The following CNBD1 variants were observed in gnomAD, a reference collection of about 807,000 sequenced individuals.
CNBD1 encodes the protein cyclic nucleotide-binding domain-containing protein 1.
In CNBD1, 71 loss-of-function variants were observed where a neutral mutation model predicts 54.4. The ratio of observed to expected loss-of-function variants is 1.30; its 90% CI spans 1.08 to 1.59. The LOEUF (loss-of-function observed/expected upper bound fraction) is 1.59, where lower values mean the gene tolerates loss of function less well. Ranked by LOEUF, CNBD1 falls within the 40% of genes most tolerant of loss-of-function variation. The probability of loss-of-function intolerance (pLI) is 0.00; values close to 1 mark genes in which losing one functional copy is unlikely to be tolerated. For synonymous variants in CNBD1, 182 were observed against 170.7 expected (o/e 1.07, Z -0.51); for missense variants, 659 against 518.0 (o/e 1.27, Z -2.64).
chr8:86,926,083 T>G (rs2131829539), intron 3 of CNBD1, among the ~76,000 whole-genome samples: 1 of 152,262 alleles, frequency 6.6e-6, no homozygotes, highest in South Asian at 2.1e-4. Context: ...GATTGGCTAC[T>G]TTTAGAATCC....
chr8:87,283,665 G>A (rs1808638753), intron 6 of CNBD1, among the ~76,000 whole-genome samples: 2 of 152,044 alleles, frequency 1.3e-5, no homozygotes, highest in African/African-American at 4.8e-5. Context: ...CTTCTATGTG[G>A]CTTTCGTAAA....
intron 2 of CNBD1, among the ~76,000 whole-genome samples, chr8:87,388,362 C>T (rs1038316694): frequency 2.0e-5 from 2 of 101,956 alleles, no homozygotes; most frequent in African/African-American, 5.8e-5. Context: ...GCTAGAAAGA[C>T]TAATGAAGAA....
chr8:87,118,410 TAGG>T lies in CNBD1; in HGVS notation c.432-87579_432-87577del, dbSNP rs1316282824. On this transcript the variant is annotated intron_variant, in intron 4 of 10. Coordinates refer to ENST00000518476, the MANE Select transcript of CNBD1 (RefSeq NM_173538.3). ...GAGGTGCATGGTTCATGTATGTAAATAGGAGGGTCAGGGTGAATTTCACTGAGA... is the reference window on the plus strand; with the variant it reads ...GAGGTGCATGGTTCATGTATGTAAATAGGGTCAGGGTGAATTTCACTGAGA... 2.0e-5 allele frequency among the ~76,000 whole-genome samples: 3 copies of T among 150,102 alleles called. No homozygotes were observed. In the East Asian group the frequency reaches 5.9e-4, roughly 30 times the overall value.
chr8:86,954,771 A>G lies in CNBD1; in HGVS notation c.431+15017A>G, dbSNP rs77256325. Among the ~76,000 whole-genome samples the G allele has an allele frequency of 7.2e-3, 1,095 of 152,346 alleles. 20 individuals are homozygous for G. The highest frequency in any genetic ancestry group is 0.039 in the East Asian group (201 of 5,186). ...AGGTCTGACTATTTTCAGCATAGCT[A>G]GGAGCATGGCATATGTCCCCAGGCC... On this transcript the variant is annotated intron_variant, in intron 4 of 10. Transcript: ENST00000518476.
chr8:87,369,819 G>A (rs1349285722), intron 10 of CNBD1, among the ~76,000 whole-genome samples: 1 of 151,810 alleles, frequency 6.6e-6, no homozygotes, highest in African/African-American at 2.4e-5. Flanking sequence ...CTGGTGTGCT[G>A]CACCCATTAA....
chr8:87,424,576 T>C (rs959946197), intron 2 of CNBD1, among the ~76,000 whole-genome samples: 3 of 152,192 alleles, frequency 2.0e-5, no homozygotes, highest in African/African-American at 7.2e-5. Context: ...TTCCATGTAG[T>C]TGCGCGTTTT....
In CNBD1 at chr8:87,182,324, C is replaced by A. The variant is rs1813371379; in HGVS notation, c.432-23669C>A. Among the ~76,000 whole-genome samples the A allele has an allele frequency of 6.6e-6, 1 of 151,748 alleles. No homozygotes were observed. ...ATGGGTATTTAGGTTGATTCCATGT[C>A]TTTGCTACTGTAAACAGCACTGTGA... On this transcript the variant is annotated intron_variant, in intron 4 of 10. Coordinates refer to ENST00000518476, the MANE Select transcript of CNBD1 (RefSeq NM_173538.3). The surrounding 1 kb of genome is among the most constrained non-coding windows in gnomAD (Gnocchi z 4.1).
chr8:87,000,701 A>G (rs1382553310), intron 4 of CNBD1, among the ~76,000 whole-genome samples: 2 of 152,206 alleles, frequency 1.3e-5, no homozygotes, highest in African/African-American at 2.4e-5. Flanking sequence ...GCTAGATCTA[A>G]GTTAATTATT....
At chr8:87,109,540 C>CTTTTTTTTTTTTTT (rs35541466) in intron 4 of CNBD1, among the ~76,000 whole-genome samples, 1 of 107,968 alleles carries the variant, frequency 9.3e-6, no homozygotes, top group Non-Finnish European at 2.1e-5. Context: ...TTCTTTCTTT[C>CTTTTTTTTTTTTTT]TTTTTTTTTT....
At chr8:87,232,548 C>T (rs1807466283) in intron 5 of CNBD1, among the ~76,000 whole-genome samples, 1 of 152,034 alleles carries the variant, frequency 6.6e-6, no homozygotes, top group Non-Finnish European at 1.5e-5. Context: ...CTTATTTTTT[C>T]TTGTGCCTTT....
intron 4 of CNBD1, among the ~76,000 whole-genome samples, chr8:86,990,499 G>T (rs1330029251): frequency 6.6e-6 from 1 of 152,162 alleles, no homozygotes; most frequent in Non-Finnish European, 1.5e-5. Flanking sequence ...TGAGTTCAGT[G>T]TAGGTGTGTG....
chr8:86,935,780 A>G (rs1563828219), intron 3 of CNBD1, among the ~76,000 whole-genome samples: 1 of 151,756 alleles, frequency 6.6e-6, no homozygotes, highest in Non-Finnish European at 1.5e-5. Flanking sequence ...AGTATAACTT[A>G]CTCTTTCTTT....
At chr8:87,258,374 TTG>T (rs1808063877) in intron 6 of CNBD1, among the ~76,000 whole-genome samples, 1 of 152,118 alleles carries the variant, frequency 6.6e-6, no homozygotes, top group Non-Finnish European at 1.5e-5. Flanking sequence ...CCTTCTTTAT[TTG>T]TGTGTGTAGT....
intron 4 of CNBD1, among the ~76,000 whole-genome samples, chr8:86,949,286 G>T (rs1256944323): frequency 1.3e-5 from 2 of 152,240 alleles, no homozygotes; most frequent in East Asian, 3.9e-4. Flanking sequence ...TTTCTGTGAA[G>T]AATGCCATTG....
At chr8:87,365,110 A>G (rs1810616658) in intron 10 of CNBD1, among the ~76,000 whole-genome samples, 2 of 151,810 alleles carry the variant, frequency 1.3e-5, no homozygotes, top group African/African-American at 2.4e-5. Flanking sequence ...ACTCGCACCA[A>G]CAGTGTATAA....
At chr8:86,978,635 C>T (rs535607961) in intron 4 of CNBD1, among the ~76,000 whole-genome samples, 38 of 145,816 alleles carry the variant, frequency 2.6e-4, no homozygotes, top group Admixed American at 1.0e-3. Flanking sequence ...CTCCGCATCC[C>T]GGGTTCAAGC....
At chr8:87,418,508 A>T (rs1807873164) in intron 2 of CNBD1, among the ~76,000 whole-genome samples, 1 of 151,928 alleles carries the variant, frequency 6.6e-6, no homozygotes, top group African/African-American at 2.4e-5. Flanking sequence ...GACTAGATAA[A>T]CTGGACTTTA....
At chr8:87,409,950 G>C (rs1032907259) in intron 2 of CNBD1, among the ~76,000 whole-genome samples, 2 of 151,990 alleles carry the variant, frequency 1.3e-5, no homozygotes. Context: ...TTGAACCCAG[G>C]AGAGGGAGGT....
chr8:86,888,965 G>A (rs576898443), intron 2 of CNBD1, among the ~76,000 whole-genome samples: 1 of 152,144 alleles, frequency 6.6e-6, no homozygotes, highest in Admixed American at 6.5e-5. Flanking sequence ...TACTCTTCCT[G>A]GATTGAATCA....
Sources: gnomAD v4.1 joint callset for allele counts (sites outside exome capture counted in the v4.1 genomes callset) on GRCh38, gnomAD v4.1.1 for gene constraint, Gnocchi (gnomAD v3.1) non-coding constraint, MANE v1.5 for transcripts, NCBI Gene and HGNC (gene_info 2026-07-23, HGNC 2026-07-21) for gene names.